The following FRMD5 variants were observed in gnomAD, a reference collection of about 807,000 sequenced individuals.
FRMD5 encodes FERM domain-containing protein 5.
A neutral mutation model predicts 69.0 loss-of-function variants in FRMD5; 20 were observed. The observed-to-expected ratio is 0.29, with a 90% CI of 0.20 to 0.42. The LOEUF is 0.42. Ranked by LOEUF, FRMD5 falls within the 10% of genes least tolerant of loss-of-function variation. The probability of loss-of-function intolerance (pLI) is 1.00; values close to 1 mark genes in which losing one functional copy is unlikely to be tolerated. For synonymous variants in FRMD5, 271 were observed against 260.1 expected (o/e 1.04, Z -0.40); for missense variants, 595 against 708.6 (o/e 0.84, Z 1.82).
At chr15:44,177,687 C>T (rs1472533625) in intron 1 of FRMD5, among the ~76,000 whole-genome samples, 3 of 152,108 alleles carry the variant, frequency 2.0e-5, no homozygotes, top group Admixed American at 6.5e-5. Context: ...TTGAAATGTA[C>T]ACCTTAAACA....
At chr15:44,137,617 C>T (rs749997609) in intron 1 of FRMD5, among the ~76,000 whole-genome samples, 3 of 152,032 alleles carry the variant, frequency 2.0e-5, no homozygotes, top group Non-Finnish European at 4.4e-5. Context: ...AAAACAGATG[C>T]TAAATTAGCC....
At chr15:44,106,414 C>G (rs2076719192) in intron 1 of FRMD5, among the ~76,000 whole-genome samples, 1 of 152,314 alleles carries the variant, frequency 6.6e-6, no homozygotes, top group East Asian at 1.9e-4. Context: ...ACCCACCCTG[C>G]ATGCAGTAAC....
At chr15:43,886,179 G>A (rs1464419091) in intron 10 of FRMD5, among the ~76,000 whole-genome samples, 1 of 152,122 alleles carries the variant, frequency 6.6e-6, no homozygotes, top group Non-Finnish European at 1.5e-5. Flanking sequence ...ATAGAGCTGG[G>A]ACTACTGGAC....
intron 1 of FRMD5, among the ~76,000 whole-genome samples, chr15:43,937,050 T>C (rs763824816): frequency 3.3e-5 from 5 of 152,238 alleles, no homozygotes; most frequent in Admixed American, 6.5e-5. Context: ...AATACTGCCA[T>C]GCTCTTGGGG....
chr15:44,050,058 A>C (rs1892590609), intron 1 of FRMD5, among the ~76,000 whole-genome samples: 2 of 152,224 alleles, frequency 1.3e-5, no homozygotes, highest in South Asian at 4.1e-4. Flanking sequence ...ATTTTAGTTT[A>C]GTGAATAAAC....
chr15:44,085,362 G>C (rs1226407275), intron 1 of FRMD5, among the ~76,000 whole-genome samples: 1 of 152,068 alleles, frequency 6.6e-6, no homozygotes, highest in Non-Finnish European at 1.5e-5. Context: ...AACCTAAAAA[G>C]CCTCTGCCAA....
intron 4 of FRMD5, 130 bp from the exon 5 acceptor site, chr15:43,910,109 T>C (rs2089258644): frequency 1.9e-6 from 1 of 531,936 alleles, no homozygotes; most frequent in Non-Finnish European, 3.4e-6. Flanking sequence ...TCCTAAAACA[T>C]AATGTAGAAC....
chr15:44,170,602 T>C (rs1034685729), intron 1 of FRMD5, among the ~76,000 whole-genome samples: 1 of 152,182 alleles, frequency 6.6e-6, no homozygotes, highest in African/African-American at 2.4e-5. Context: ...CCATAATTTT[T>C]CCCATTCTGT....
At chr15:44,197,752 T>A (rs2078321851), upstream of FRMD5, among the ~76,000 whole-genome samples, 1 of 151,138 alleles carries the variant, frequency 6.6e-6, no homozygotes, top group Non-Finnish European at 1.5e-5. Context: ...AGGCAAAAGT[T>A]ACTGTTTGTT....
intron 1 of FRMD5, among the ~76,000 whole-genome samples, chr15:44,076,195 C>T (rs866218546): frequency 3.3e-5 from 5 of 152,072 alleles, no homozygotes; most frequent in Middle Eastern, 3.4e-3. Context: ...CTAGTTCAAC[C>T]ATTGTGGAAG....
At chr15:44,147,046 G>A (rs1000147750) in intron 1 of FRMD5, among the ~76,000 whole-genome samples, 1 of 152,080 alleles carries the variant, frequency 6.6e-6, no homozygotes, top group Non-Finnish European at 1.5e-5. Context: ...TGATATTTTT[G>A]TCATGAAATC....
At chr15:43,955,431 T>C (rs1489712975) in intron 1 of FRMD5, among the ~76,000 whole-genome samples, 1 of 152,206 alleles carries the variant, frequency 6.6e-6, no homozygotes, top group East Asian at 1.9e-4. Context: ...AAGCCAAAAA[T>C]ACTCAGCATT....
intron 1 of FRMD5, among the ~76,000 whole-genome samples, chr15:43,988,167 C>A (rs1401506493): frequency 6.6e-6 from 1 of 152,144 alleles, no homozygotes; most frequent in Non-Finnish European, 1.5e-5. Context: ...CTTGCCCCCC[C>A]ACCACTCACC....
intron 1 of FRMD5, among the ~76,000 whole-genome samples, chr15:44,004,649 C>A (rs1401828857): frequency 6.6e-6 from 1 of 152,174 alleles, no homozygotes; most frequent in Non-Finnish European, 1.5e-5. Flanking sequence ...ACCAGCTGTT[C>A]CCCCAACTCA....
chr15:44,175,305 A>G (rs771325023), intron 1 of FRMD5, among the ~76,000 whole-genome samples: 6 of 152,204 alleles, frequency 3.9e-5, no homozygotes, highest in Non-Finnish European at 7.3e-5. Flanking sequence ...TATAAAAACC[A>G]GAAATGAACT....
intron 1 of FRMD5, among the ~76,000 whole-genome samples, chr15:43,957,017 G>C (rs1399917606): frequency 1.3e-5 from 2 of 152,164 alleles, no homozygotes; most frequent in Non-Finnish European, 1.5e-5. Flanking sequence ...TTTTTAAAGG[G>C]AGTATCTTCC....
At chr15:43,988,203 C>T (rs1441258225) in intron 1 of FRMD5, among the ~76,000 whole-genome samples, 1 of 152,104 alleles carries the variant, frequency 6.6e-6, no homozygotes, top group Non-Finnish European at 1.5e-5. Flanking sequence ...TGGTCTGTGG[C>T]CTGGGGGTTG....
intron 1 of FRMD5, among the ~76,000 whole-genome samples, chr15:44,054,192 T>C (rs1892776985): frequency 6.6e-6 from 1 of 152,270 alleles, no homozygotes; most frequent in Non-Finnish European, 1.5e-5. Context: ...TAACAGCTAC[T>C]AATAACATGA....
chr15:44,002,274 A>G (rs2412854), intron 1 of FRMD5, among the ~76,000 whole-genome samples: 136,551 of 152,100 alleles, frequency 0.9, 61,933 homozygotes, highest in East Asian at 1. Flanking sequence ...CTCATTCGTC[A>G]CAGGCCTTCT....
Sources: gnomAD v4.1 joint callset for allele counts (sites outside exome capture counted in the v4.1 genomes callset) on GRCh38, gnomAD v4.1.1 for gene constraint, MANE v1.5 for transcripts, NCBI Gene and HGNC (gene_info 2026-07-23, HGNC 2026-07-21) for gene names.